Variants in NRG3 observed in about 807,000 individuals in gnomAD.
The protein encoded by NRG3 is pro-neuregulin-3, membrane-bound isoform.
In NRG3, 31 loss-of-function variants were observed where a neutral mutation model predicts 66.9. The ratio of observed to expected loss-of-function variants is 0.46; its 90% CI spans 0.35 to 0.63. The LOEUF is 0.63. Ranked by LOEUF, NRG3 falls within the 20% of genes least tolerant of loss-of-function variation. NRG3 has a pLI of 0.00. For missense variants in NRG3, 910 were observed against 878.9 expected (o/e 1.04, Z -0.45); for synonymous variants, 393 against 359.4 (o/e 1.09, Z -1.06).
intron 1 of NRG3, among the ~76,000 whole-genome samples, chr10:82,057,762 A>G (rs1175740518): frequency 6.6e-6 from 1 of 152,098 alleles, no homozygotes; most frequent in Admixed American, 6.6e-5. Context: ...CTTTAGGCCA[A>G]AGCTAGGACC....
intron 1 of NRG3, among the ~76,000 whole-genome samples, chr10:82,265,580 T>A (rs1196438080): frequency 6.6e-6 from 1 of 152,144 alleles, no homozygotes; most frequent in Non-Finnish European, 1.5e-5. Flanking sequence ...TAACGATGAG[T>A]TCTGAAGTAT....
chr10:82,482,878 TGAGA>T (rs1842390811), intron 2 of NRG3, among the ~76,000 whole-genome samples: 1 of 152,048 alleles, frequency 6.6e-6, no homozygotes, highest in Admixed American at 6.5e-5. Context: ...TGGGGGCAAA[TGAGA>T]GAGAGTCATA....
intron 2 of NRG3, among the ~76,000 whole-genome samples, chr10:82,513,180 C>T (rs1432604351): frequency 6.6e-6 from 1 of 152,194 alleles, no homozygotes; most frequent in Non-Finnish European, 1.5e-5. Flanking sequence ...TTGTTCAGCT[C>T]TCACTTGTAA....
intron 4 of NRG3, among the ~76,000 whole-genome samples, chr10:82,920,216 A>G (rs1234526846): frequency 6.6e-6 from 1 of 151,458 alleles, no homozygotes; most frequent in African/African-American, 2.5e-5. Context: ...ACTCTAGTTG[A>G]TAAAGTACTT....
intron 4 of NRG3, among the ~76,000 whole-genome samples, chr10:82,932,998 C>T (rs1261679358): frequency 6.6e-6 from 1 of 152,040 alleles, no homozygotes; most frequent in African/African-American, 2.4e-5. Context: ...TCTTCTCTCC[C>T]TCTTTATTCT....
intron 1 of NRG3, among the ~76,000 whole-genome samples, chr10:81,910,326 G>C (rs987374712): frequency 1.3e-5 from 2 of 152,166 alleles, no homozygotes; most frequent in African/African-American, 4.8e-5. Flanking sequence ...CAAGAAGGTA[G>C]CAAACCCCCA....
chr10:82,173,583 CA>C (rs1453665083), intron 1 of NRG3, among the ~76,000 whole-genome samples: 1 of 151,720 alleles, frequency 6.6e-6, no homozygotes, highest in Non-Finnish European at 1.5e-5. Flanking sequence ...TTGACAATTA[CA>C]GGTGAGCAAG....
chr10:82,892,878 T>A (rs1843289097), intron 4 of NRG3, among the ~76,000 whole-genome samples: 1 of 151,972 alleles, frequency 6.6e-6, no homozygotes, highest in South Asian at 2.1e-4. Flanking sequence ...TTTACCTAAC[T>A]AGGAAGATAA....
At chr10:82,643,921 C>T (rs1167996612) in intron 2 of NRG3, among the ~76,000 whole-genome samples, 1 of 141,876 alleles carries the variant, frequency 7.0e-6, no homozygotes, top group Non-Finnish European at 1.6e-5. Context: ...CACACACACA[C>T]ACGAGAATTT....
intron 1 of NRG3, among the ~76,000 whole-genome samples, chr10:81,996,435 ATTG>A (rs1486249335): frequency 1.3e-5 from 2 of 152,300 alleles, no homozygotes; most frequent in African/African-American, 4.8e-5. Context: ...TAAGTTACTT[ATTG>A]GAGCATATGC....
At position 81,875,409 on chromosome 10, in the gene NRG3, G is replaced by A. The variant is rs1050509498; in HGVS notation, c.69G>A (p.Glu23=). Residue 23 remains glutamate (E), a synonymous_variant, in exon 1 of 9, where the codon GAG becomes GAA. Coordinates refer to ENST00000372141, the MANE Select transcript of NRG3 (RefSeq NM_001010848.4). This position sits in a 1 kb window ranked among gnomAD's most constrained non-coding sequence, Gnocchi z 5.3. The part of the protein sequence containing the change: ...AASAAAASAE[E]GTAAAAAAAA... ...CGGCAGCCGCCGCCTCGGCCGAGGAGGGCACCGCGGCGGCTGCGGCGGCGG... is the reference window on the plus strand; with the variant it reads ...CGGCAGCCGCCGCCTCGGCCGAGGAAGGCACCGCGGCGGCTGCGGCGGCGG... 5.2e-5 allele frequency: 53 copies of A among 1,028,676 alleles called. No individual in the cohort carries two copies. The highest frequency in any genetic ancestry group is 6.2e-5 in the Non-Finnish European group (53 of 860,534). 63.7% of individuals were successfully genotyped at this position (1,028,676 alleles called of 1,614,324 possible).
chr10:81,920,498 TA>T (rs143236499), intron 1 of NRG3, among the ~76,000 whole-genome samples: 11 of 148,894 alleles, frequency 7.4e-5, no homozygotes, highest in African/African-American at 1.7e-4. Context: ...TATCCATGTC[TA>T]AAAAAAAAAT....
intron 1 of NRG3, among the ~76,000 whole-genome samples, chr10:81,997,088 A>G (rs1259458180): frequency 2.0e-5 from 3 of 152,136 alleles, no homozygotes; most frequent in South Asian, 2.1e-4. Context: ...CTTGCATGCT[A>G]TTACCAGATG....
chr10:82,439,145 CT>C (rs561784528), intron 2 of NRG3, among the ~76,000 whole-genome samples: 23 of 152,122 alleles, frequency 1.5e-4, no homozygotes, highest in Non-Finnish European at 2.8e-4. Context: ...TGTTTCTCAT[CT>C]TTTTCTCCAG....
chr10:82,494,363 A>G (rs1487078674), intron 2 of NRG3, among the ~76,000 whole-genome samples: 1 of 152,170 alleles, frequency 6.6e-6, no homozygotes, highest in Non-Finnish European at 1.5e-5. Flanking sequence ...AGAAAACTCA[A>G]ATACGATCTC....
intron 1 of NRG3, among the ~76,000 whole-genome samples, chr10:82,022,037 G>A (rs2062085533): frequency 6.6e-6 from 1 of 151,574 alleles, no homozygotes; most frequent in South Asian, 2.1e-4. Flanking sequence ...CTGAAAGGCA[G>A]CATCAAATTC....
At chr10:82,661,202 T>G (rs2052332043) in intron 2 of NRG3, among the ~76,000 whole-genome samples, 1 of 152,132 alleles carries the variant, frequency 6.6e-6, no homozygotes, top group Non-Finnish European at 1.5e-5. Flanking sequence ...TTTCAGGAGC[T>G]AGGATACAGT....
At chr10:81,938,534 T>C (rs980430966) in intron 1 of NRG3, among the ~76,000 whole-genome samples, 3 of 151,932 alleles carry the variant, frequency 2.0e-5, no homozygotes, top group African/African-American at 7.3e-5. Context: ...TGTTTGTTCA[T>C]TGTTAGTGTG....
At chr10:82,363,541 C>G (rs1448479570) in intron 2 of NRG3, among the ~76,000 whole-genome samples, 1 of 152,158 alleles carries the variant, frequency 6.6e-6, no homozygotes, top group Admixed American at 6.5e-5. Flanking sequence ...CTGCAAACTC[C>G]GCTTCCCAGG....
Sources: gnomAD v4.1 joint callset for allele counts (sites outside exome capture counted in the v4.1 genomes callset) on GRCh38, gnomAD v4.1.1 for gene constraint, Gnocchi (gnomAD v3.1) non-coding constraint, MANE v1.5 for transcripts, NCBI Gene and HGNC (gene_info 2026-07-23, HGNC 2026-07-21) for gene names.